MINDY4: variants seen among roughly 807,000 people sequenced by gnomAD.
The protein encoded by MINDY4 is probable ubiquitin carboxyl-terminal hydrolase MINDY-4.
A neutral mutation model predicts 87.0 loss-of-function variants in MINDY4; 68 were observed. That is an observed-to-expected ratio of 0.78 (90% confidence interval 0.64 to 0.96). The LOEUF is 0.96. Among genes scored for constraint, MINDY4 ranks in the 40% least tolerant of loss-of-function variants. The probability of loss-of-function intolerance (pLI) is 0.00; values close to 1 mark genes in which losing one functional copy is unlikely to be tolerated. For missense variants in MINDY4, 919 were observed against 928.2 expected (o/e 0.99, Z 0.13); for synonymous variants, 379 against 363.2 (o/e 1.04, Z -0.50).
intron 17 of MINDY4, among the ~76,000 whole-genome samples, chr7:30,883,929 G>A (rs953150307): frequency 8.5e-5 from 13 of 152,156 alleles, no homozygotes; most frequent in Admixed American, 2.6e-4. Flanking sequence ...TCTGTAAAAT[G>A]GGGGTGATGC....
Position 30,820,909 on chromosome 7 carries a change from C to G in MINDY4, c.1074-7770C>G, listed in dbSNP as rs1156646753. 2.0e-5 allele frequency among the ~76,000 whole-genome samples: 3 copies of G among 152,174 alleles called. No individual in the cohort carries two copies. In the South Asian group the frequency reaches 6.2e-4, roughly 31 times the overall value. On this transcript the variant is annotated intron_variant, in intron 5 of 17. Transcript: ENST00000265299. ...TATTTTTAACTTTTTGAGGAACTCC[C>G]AGACTGTTTTCCACAGTGGCACTTA... is the stretch of plus-strand genomic sequence containing the variant.
chr7:30,794,554 C>T (rs533496454), intron 5 of MINDY4, among the ~76,000 whole-genome samples: 7 of 152,244 alleles, frequency 4.6e-5, no homozygotes, highest in Admixed American at 2.0e-4. Flanking sequence ...AGATGTTAGG[C>T]GGTGTGAGTA....
chr7:30,794,327 T>A (rs555810041), intron 5 of MINDY4, among the ~76,000 whole-genome samples: 2 of 152,136 alleles, frequency 1.3e-5, no homozygotes, highest in African/African-American at 4.8e-5. Context: ...TGTGCACATA[T>A]AATTCTTCTA....
At chr7:30,789,378 C>T (rs1320592860) in intron 4 of MINDY4, among the ~76,000 whole-genome samples, 2 of 152,202 alleles carry the variant, frequency 1.3e-5, no homozygotes, top group African/African-American at 2.4e-5. Context: ...GGATGGGTTG[C>T]TATAGAATTT....
At chr7:30,806,922 G>A (rs1488024208) in intron 5 of MINDY4, among the ~76,000 whole-genome samples, 1 of 152,216 alleles carries the variant, frequency 6.6e-6, no homozygotes. Context: ...CTTCTGCCTT[G>A]AGCCCAGGGT....
At position 30,791,556 on chromosome 7, in the gene MINDY4, G is replaced by T; in HGVS notation, c.1055G>T (p.Ser352Ile). ...RLERAFKRQG[S>I]QPAPVRKNQL... ...GAAAGAGCGTTCAAACGGCAGGGCA[G>T]CCAGCCCGCACCTGTCAGGTGAGTG... The change falls in exon 5 of 18, where the codon AGC becomes ATC. Residue 352 changes from serine to isoleucine, a missense_variant. Physicochemically the swap from Ser to Ile is moderately radical, Grantham distance 142. Coordinates refer to ENST00000265299, the MANE Select transcript of MINDY4 (RefSeq NM_032222.3). 1.2e-6 allele frequency: 2 copies of T among 1,612,338 alleles called. No individual in the cohort carries two copies. The highest frequency in any genetic ancestry group is 1.7e-4 in the Middle Eastern group (1 of 6,030).
intron 1 of MINDY4, among the ~76,000 whole-genome samples, chr7:30,778,156 C>T (rs1021244945): frequency 6.6e-6 from 1 of 152,128 alleles, no homozygotes; most frequent in Non-Finnish European, 1.5e-5. Context: ...GCTTCATATA[C>T]TATGGTTCCA....
rs759416100 is a variant in MINDY4 at position 30,791,301 on chromosome 7, C to A, written c.800C>A (p.Pro267His). 6.2e-6 allele frequency: 10 copies of A among 1,614,022 alleles called. No homozygotes were observed. The highest frequency in any genetic ancestry group is 7.6e-6 in the Non-Finnish European group (9 of 1,180,026). ...QDILASSNSS[P>H]SRTSLGQLSE... ...ATTCTGGCTTCGAGCAACAGCTCCCCCTCCAGGACCTCCCTGGGTCAGCTT... is the reference window on the plus strand; with the variant it reads ...ATTCTGGCTTCGAGCAACAGCTCCCACTCCAGGACCTCCCTGGGTCAGCTT... The change falls in exon 5 of 18, where the codon CCC becomes CAC. Residue 267 changes from proline (P) to histidine (H), a missense_variant. Coordinates refer to ENST00000265299, the MANE Select transcript of MINDY4 (RefSeq NM_032222.3).
At chr7:30,805,368 C>G (rs1990011) in intron 5 of MINDY4, among the ~76,000 whole-genome samples, 39,478 of 152,120 alleles carry the variant, frequency 0.26, 5,694 homozygotes, top group Non-Finnish European at 0.32. Flanking sequence ...TGGATATGTC[C>G]AGTGGAGCTT....
chr7:30,808,546 C>G (rs970409514), intron 5 of MINDY4, among the ~76,000 whole-genome samples: 13 of 152,002 alleles, frequency 8.6e-5, no homozygotes, highest in African/African-American at 3.1e-4. Context: ...ATGGGTCAGG[C>G]ACAAAGTAAG....
At chr7:30,889,933 C>T (rs992644040) in intron 17 of MINDY4, among the ~76,000 whole-genome samples, 2 of 152,194 alleles carry the variant, frequency 1.3e-5, no homozygotes, top group African/African-American at 4.8e-5. Context: ...ACATCCAGAT[C>T]TGTTTCTAAG....
chr7:30,839,421 A>G (rs572709650), intron 8 of MINDY4, 105 bp downstream of exon 8: 1 of 648,554 alleles, frequency 1.5e-6, no homozygotes, highest in African/African-American at 1.8e-5. Context: ...TAGCTGAGCT[A>G]TTCTGGACCA....
chr7:30,788,884 A>G (rs1016425545), intron 4 of MINDY4, among the ~76,000 whole-genome samples: 40 of 151,272 alleles, frequency 2.6e-4, no homozygotes, highest in African/African-American at 9.6e-4. Context: ...TAAAATGAAT[A>G]ATTTTTGTGT....
At chr7:30,819,386 T>C (rs1351597704) in intron 5 of MINDY4, among the ~76,000 whole-genome samples, 3 of 152,234 alleles carry the variant, frequency 2.0e-5, no homozygotes, top group Admixed American at 2.0e-4. Context: ...AAACACAGTT[T>C]GGAATTTTTT....
intron 8 of MINDY4, among the ~76,000 whole-genome samples, chr7:30,839,859 G>A (rs1010079339): frequency 1.3e-5 from 2 of 152,128 alleles, no homozygotes; most frequent in Non-Finnish European, 2.9e-5. Flanking sequence ...TGCAGGCCTA[G>A]AACATGGCTT....
rs151215372 is a variant in MINDY4, at chr7:30,869,018, C to A, written c.1746-3225C>A. ...TGTGCTTATTGGATTGAAATCCCAG[C>A]AAGCTCTGCTCCCTGGAGGGGCCCC... On this transcript the variant is annotated intron_variant, in intron 13 of 17. Coordinates refer to ENST00000265299, the MANE Select transcript of MINDY4 (RefSeq NM_032222.3). Among the ~76,000 whole-genome samples the A allele has an allele frequency of 3.1e-3, 469 of 152,346 alleles. 2 individuals carry two copies. The highest frequency in any genetic ancestry group is 0.011 in the African/African-American group (444 of 41,576).
In MINDY4 at chr7:30,785,982, G is replaced by T; in HGVS notation, c.653G>T (p.Ser218Ile). 1 of 1,614,114 alleles carries T rather than the reference G, an allele frequency of 6.2e-7. No homozygotes were observed. The highest frequency in any genetic ancestry group is 8.5e-7 in the Non-Finnish European group (1 of 1,179,992). ...GGCATGATGTCTGGGCCCATCGCCA[G>T]CTCCCCACAGGTGGGGCTGTTGCTC... ...VRGMMSGPIA[S>I]SPQDSFHRHY... Residue 218 changes from serine to isoleucine, a missense_variant, in exon 4 of 18, where the codon AGC becomes ATC. Physicochemically the swap from Ser to Ile is moderately radical, Grantham distance 142. Transcript: ENST00000265299.
At chr7:30,772,481 C>A (rs1053910633) in intron 1 of MINDY4, among the ~76,000 whole-genome samples, 6 of 152,172 alleles carry the variant, frequency 3.9e-5, no homozygotes, top group African/African-American at 1.4e-4. Flanking sequence ...GTAAGACCTA[C>A]TCTTTGCAGA....
In MINDY4 at chr7:30,778,523, A is replaced by C; in HGVS notation, c.155A>C (p.His52Pro). 7 of 1,614,254 alleles carry C rather than the reference A, an allele frequency of 4.3e-6. No individual in the cohort carries two copies. Among genetic ancestry groups the C allele is most frequent in the Admixed American group, 1.7e-5 (1 of 60,030 alleles). Reference protein sequence around the residue: ...NNRNDLRKVLHLEFLYKENKA... With the variant: ...NNRNDLRKVLPLEFLYKENKA... ...AGAAATGATCTTCGAAAGGTTTTGC[A>C]TCTTGAATTTCTCTATAAGGAGAAC... The change falls in exon 2 of 18, where the codon CAT (histidine) becomes CCT (proline). Residue 52 changes from histidine (H) to proline (P), a missense_variant. Coordinates refer to ENST00000265299, the MANE Select transcript of MINDY4 (RefSeq NM_032222.3).
Sources: gnomAD v4.1 joint callset for allele counts (sites outside exome capture counted in the v4.1 genomes callset) on GRCh38, gnomAD v4.1.1 for gene constraint, MANE v1.5 for transcripts, NCBI Gene and HGNC (gene_info 2026-07-23, HGNC 2026-07-21) for gene names.